SETBP1: variants seen among roughly 807,000 people sequenced by gnomAD.
The protein encoded by SETBP1 is SET binding protein 1.
Under a neutral mutation model 101.0 loss-of-function variants are expected in SETBP1, and 9 were observed. The observed-to-expected ratio is 0.09, with a 90% CI of 0.05 to 0.16. The LOEUF is 0.16. Ranked by LOEUF, SETBP1 falls within the 10% of genes least tolerant of loss-of-function variation. The pLI, the probability that SETBP1 is intolerant of heterozygous loss-of-function variation, is 1.00. For synonymous variants in SETBP1, 818 were observed against 788.5 expected (o/e 1.04, Z -0.63); for missense variants, 1,858 against 2,033.8 (o/e 0.91, Z 1.66).
chr18:44,912,364 T>C (rs535476172), intron 3 of SETBP1, among the ~76,000 whole-genome samples: 1 of 152,328 alleles, frequency 6.6e-6, no homozygotes, highest in South Asian at 2.1e-4. Context: ...AAGTTGAGTC[T>C]GTAGAGGACC....
intron 2 of SETBP1, among the ~76,000 whole-genome samples, chr18:44,864,367 C>A (rs1174299207): frequency 1.3e-5 from 2 of 152,152 alleles, no homozygotes; most frequent in African/African-American, 4.8e-5. Context: ...TTTCTACTCT[C>A]ACCTCCTTAG....
chr18:45,025,218 A>G (rs1218358498), intron 4 of SETBP1, among the ~76,000 whole-genome samples: 1 of 152,212 alleles, frequency 6.6e-6, no homozygotes. Context: ...CCCCTTTAAG[A>G]AATCCCAGGC....
At chr18:44,913,923 T>C (rs1002970328) in intron 3 of SETBP1, among the ~76,000 whole-genome samples, 1 of 152,188 alleles carries the variant, frequency 6.6e-6, no homozygotes, top group Non-Finnish European at 1.5e-5. Context: ...TCAATTCCTT[T>C]CTCAGCCTTT....
chr18:44,887,472 A>G lies in SETBP1; in HGVS notation c.540+18189A>G, dbSNP rs147262359. Among the ~76,000 whole-genome samples the G allele has an allele frequency of 4.5e-4, 69 of 152,280 alleles. No homozygotes were observed. The East Asian group carries it at 0.011, about 25-fold the overall frequency. ...ACAGCTATCTCTGGCTATTCTGAGCATGAACAAGATTACCTGGGAATTTCC... is the reference window on the plus strand; with the variant it reads ...ACAGCTATCTCTGGCTATTCTGAGCGTGAACAAGATTACCTGGGAATTTCC... On this transcript the variant is annotated intron_variant, in intron 3 of 5. Coordinates refer to ENST00000649279, the MANE Select transcript of SETBP1 (RefSeq NM_015559.3).
intron 2 of SETBP1, among the ~76,000 whole-genome samples, chr18:44,852,196 C>T (rs1221592975): frequency 6.6e-6 from 1 of 152,216 alleles, no homozygotes; most frequent in African/African-American, 2.4e-5. Context: ...CCGCCCAGCC[C>T]TCAGCCCACC....
Position 45,005,685 on chromosome 18 carries a change from C to T in SETBP1, c.4001-32800C>T, listed in dbSNP as rs200038971. 4.1e-4 allele frequency among the ~76,000 whole-genome samples: 56 copies of T among 135,046 alleles called. No homozygotes were observed. The East Asian group carries it at 0.011, about 26-fold the overall frequency. The allele number at this position is 135,046 out of a possible 152,430, so 88.6% of individuals were successfully genotyped here. On this transcript the variant is annotated intron_variant, in intron 4 of 5. Coordinates refer to ENST00000649279, the MANE Select transcript of SETBP1 (RefSeq NM_015559.3). ...TTTTTGAGACAGAGTCTTGCTCTGT[C>T]GCCCAGGCTGGAGTACAGTGGCATG...
intron 4 of SETBP1, among the ~76,000 whole-genome samples, chr18:45,034,922 A>G (rs1454187776): frequency 6.6e-6 from 1 of 152,028 alleles, no homozygotes; most frequent in Non-Finnish European, 1.5e-5. Flanking sequence ...TTTCTTTATG[A>G]TCACCCTCTA....
At position 45,063,131 on chromosome 18, in the gene SETBP1, G is replaced by A. The variant is rs1193158632; in HGVS notation, c.4224G>A (p.Gln1408=). 2 of 1,614,038 alleles carry A rather than the reference G, an allele frequency of 1.2e-6. No homozygotes were observed. Among genetic ancestry groups the A allele is most frequent in the African/African-American group, 2.7e-5 (2 of 75,010 alleles). The change falls in exon 6 of 6, where the codon CAG becomes CAA. Residue 1408 remains glutamine, a synonymous_variant. Transcript: ENST00000649279. ...RFKRREIEAI[Q]CEVRKMCNYT... is the part of the protein sequence containing the mutation. ...AGCGGCGGGAGATCGAAGCCATCCA[G>A]TGCGAAGTGCGGAAGATGTGCAACT...
At chr18:44,873,766 GTC>G (rs1470854250) in intron 3 of SETBP1, among the ~76,000 whole-genome samples, 1 of 152,152 alleles carries the variant, frequency 6.6e-6, no homozygotes, top group Admixed American at 6.5e-5. Context: ...TTTTTTTAAA[GTC>G]TGAAAAATAA....
intron 4 of SETBP1, among the ~76,000 whole-genome samples, chr18:45,037,152 G>T: frequency 6.6e-6 from 1 of 152,160 alleles, no homozygotes; most frequent in East Asian, 1.9e-4. Context: ...ATATGGTAAG[G>T]CCCAATTTGT....
intron 2 of SETBP1, among the ~76,000 whole-genome samples, chr18:44,749,451 C>T (rs1302184103): frequency 6.6e-6 from 1 of 152,126 alleles, no homozygotes; most frequent in Non-Finnish European, 1.5e-5. Flanking sequence ...CTGTGCCATT[C>T]TTTTTCGGGA....
intron 5 of SETBP1, among the ~76,000 whole-genome samples, chr18:45,046,269 A>C (rs2073610151): frequency 6.6e-6 from 1 of 152,204 alleles, no homozygotes; most frequent in Non-Finnish European, 1.5e-5. Context: ...TGTTTGGTTC[A>C]TGAAAAGGTA....
chr18:45,039,106 C>T (rs1322308047), intron 5 of SETBP1, among the ~76,000 whole-genome samples: 1 of 152,190 alleles, frequency 6.6e-6, no homozygotes, highest in East Asian at 1.9e-4. Flanking sequence ...AAAGCCCATG[C>T]TCTCAACCAG....
At chr18:44,949,230 C>A (rs1236176545) in intron 3 of SETBP1, among the ~76,000 whole-genome samples, 1 of 152,168 alleles carries the variant, frequency 6.6e-6, no homozygotes, top group Non-Finnish European at 1.5e-5. Context: ...CCCATGCAGG[C>A]TTCATACTTC....
At chr18:44,779,950 GCACA>G (rs1297714741) in intron 2 of SETBP1, among the ~76,000 whole-genome samples, 2 of 150,432 alleles carry the variant, frequency 1.3e-5, no homozygotes, top group Non-Finnish European at 3.0e-5. Context: ...ACACACGCAC[GCACA>G]CACGCATGCA....
At chr18:44,993,400 A>C (rs2079734372) in intron 4 of SETBP1, among the ~76,000 whole-genome samples, 1 of 152,074 alleles carries the variant, frequency 6.6e-6, no homozygotes, top group Non-Finnish European at 1.5e-5. Context: ...CTACAATGAC[A>C]TCCAGAAATA....
At chr18:44,906,083 C>T (rs923468138) in intron 3 of SETBP1, among the ~76,000 whole-genome samples, 1 of 152,148 alleles carries the variant, frequency 6.6e-6, no homozygotes. Flanking sequence ...TGATAAAACT[C>T]CTCAGTCCTA....
intron 4 of SETBP1, among the ~76,000 whole-genome samples, chr18:44,975,957 G>T (rs2071976066): frequency 6.6e-6 from 1 of 152,050 alleles, no homozygotes; most frequent in African/African-American, 2.4e-5. Context: ...GCAAGCCTGG[G>T]GCTCTTTCTA....
At chr18:44,870,369 G>A (rs1322992374) in intron 3 of SETBP1, 1 of 152,198 alleles carries the variant, frequency 6.6e-6, no homozygotes, top group East Asian at 1.9e-4. Flanking sequence ...AGAGAGCTAG[G>A]AACAGGTGAC....
Sources: gnomAD v4.1 joint callset for allele counts (sites outside exome capture counted in the v4.1 genomes callset) on GRCh38, gnomAD v4.1.1 for gene constraint, MANE v1.5 for transcripts, NCBI Gene and HGNC (gene_info 2026-07-23, HGNC 2026-07-21) for gene names.